Variants in TAFA1 observed in about 807,000 individuals in gnomAD.
The protein encoded by TAFA1 is TAFA chemokine like family member 1, also known as chemokine-like protein TAFA-1.
In TAFA1, 4 loss-of-function variants were observed where a neutral mutation model predicts 18.5. The ratio of observed to expected loss-of-function variants is 0.22; its 90% CI spans 0.11 to 0.49. The LOEUF (loss-of-function observed/expected upper bound fraction) is 0.49. Ranked by LOEUF, TAFA1 falls within the 20% of genes least tolerant of loss-of-function variation. The pLI is 0.98. For synonymous variants in TAFA1, 56 were observed against 55.2 expected (o/e 1.01, Z -0.06); for missense variants, 147 against 169.0 (o/e 0.87, Z 0.72).
chr3:68,263,194 A>G (rs2067470095), intron 2 of TAFA1, among the ~76,000 whole-genome samples: 3 of 152,254 alleles, frequency 2.0e-5, no homozygotes, highest in South Asian at 4.1e-4. Flanking sequence ...TCCCTCACAT[A>G]GGGTTTTGAA....
At chr3:68,416,632 C>T (rs1253189304) in intron 2 of TAFA1, among the ~76,000 whole-genome samples, 2 of 152,110 alleles carry the variant, frequency 1.3e-5, no homozygotes, top group South Asian at 4.1e-4. Flanking sequence ...CATTAGTTTG[C>T]CAATAAATTC....
intron 2 of TAFA1, among the ~76,000 whole-genome samples, chr3:68,326,167 T>G (rs572599863): frequency 8.4e-4 from 128 of 152,342 alleles, no homozygotes; most frequent in African/African-American, 2.9e-3. Context: ...TTTTCTTATT[T>G]TTACTTGACA....
At chr3:68,078,207 T>G (rs1394195538) in intron 2 of TAFA1, among the ~76,000 whole-genome samples, 3 of 152,188 alleles carry the variant, frequency 2.0e-5, no homozygotes, top group African/African-American at 7.2e-5. Context: ...AAGGAGATTT[T>G]GGGCTGAGAC....
chr3:67,993,269 G>T, the TAFA1 span, among the ~76,000 whole-genome samples: 1 of 152,200 alleles, frequency 6.6e-6, no homozygotes, highest in Admixed American at 6.5e-5. Flanking sequence ...CTGATGGATT[G>T]GTTGTGAGAG....
At chr3:68,123,333 G>C (rs916100048) in intron 2 of TAFA1, among the ~76,000 whole-genome samples, 1 of 152,162 alleles carries the variant, frequency 6.6e-6, no homozygotes, top group Non-Finnish European at 1.5e-5. Flanking sequence ...ATTTCTCAAA[G>C]TACCTGGGGA....
At chr3:68,431,309 C>T (rs2071166114) in intron 3 of TAFA1, among the ~76,000 whole-genome samples, 1 of 151,954 alleles carries the variant, frequency 6.6e-6, no homozygotes, top group Non-Finnish European at 1.5e-5. Flanking sequence ...TGTAATAAAA[C>T]CACATTCACA....
chr3:68,526,424 C>T (rs954626078), intron 3 of TAFA1, among the ~76,000 whole-genome samples: 11 of 152,116 alleles, frequency 7.2e-5, no homozygotes, highest in Admixed American at 7.2e-4. Context: ...TTTCCCATTA[C>T]TGCCAAAATT....
At chr3:68,165,538 A>C (rs145249629) in intron 2 of TAFA1, among the ~76,000 whole-genome samples, 3 of 152,202 alleles carry the variant, frequency 2.0e-5, no homozygotes, top group Admixed American at 2.0e-4. Context: ...ATTTTGCTCT[A>C]CTCTGCAGAT....
chr3:68,206,261 C>T (rs2066525014), intron 2 of TAFA1, among the ~76,000 whole-genome samples: 1 of 151,696 alleles, frequency 6.6e-6, no homozygotes, highest in Admixed American at 6.6e-5. Flanking sequence ...TCAATGTAGA[C>T]AATCTGATAC....
intron 2 of TAFA1, among the ~76,000 whole-genome samples, chr3:68,073,009 C>T (rs1236156665): frequency 6.6e-6 from 1 of 152,124 alleles, no homozygotes; most frequent in Non-Finnish European, 1.5e-5. Context: ...TGTACTCTTC[C>T]CCTGGCTCAT....
At chr3:68,028,537 G>A (rs943314244) in intron 2 of TAFA1, among the ~76,000 whole-genome samples, 32 of 152,078 alleles carry the variant, frequency 2.1e-4, no homozygotes, top group African/African-American at 7.0e-4. Context: ...GAGAACAGAA[G>A]TCCCAGACAT....
intron 2 of TAFA1, among the ~76,000 whole-genome samples, chr3:68,072,849 C>G (rs1278173592): frequency 6.6e-6 from 1 of 152,122 alleles, no homozygotes; most frequent in African/African-American, 2.4e-5. Context: ...AACACGTGAT[C>G]TAGTAGAAAC....
At chr3:68,128,238 A>T (rs528745001) in intron 2 of TAFA1, among the ~76,000 whole-genome samples, 107 of 152,222 alleles carry the variant, frequency 7.0e-4, no homozygotes, top group African/African-American at 2.6e-3. Flanking sequence ...TACTAATCTA[A>T]CATCTTGCAT....
chr3:68,499,446 C>CTTT (rs752597708), intron 3 of TAFA1, among the ~76,000 whole-genome samples: 24,887 of 111,396 alleles, frequency 0.22, 2,562 homozygotes, highest in East Asian at 0.44. Context: ...GTGTTCCTTT[C>CTTT]TTTTTTTTTT....
At chr3:68,524,252 C>T (rs576568454) in intron 3 of TAFA1, among the ~76,000 whole-genome samples, 17 of 152,060 alleles carry the variant, frequency 1.1e-4, no homozygotes, top group East Asian at 1.9e-4. Context: ...AGCATGGTCA[C>T]GACAGGTTTC....
chr3:68,494,147 G>A (rs57132550), intron 3 of TAFA1, among the ~76,000 whole-genome samples: 9,567 of 152,170 alleles, frequency 0.063, 564 homozygotes, highest in East Asian at 0.24. Flanking sequence ...TGTCACCCAA[G>A]CTGGCGTGCA....
At chr3:68,541,038 T>G (rs1224431168) in intron 4 of TAFA1, among the ~76,000 whole-genome samples, 2 of 152,156 alleles carry the variant, frequency 1.3e-5, no homozygotes, top group East Asian at 3.9e-4. Context: ...ATAAACAAAC[T>G]GCCATTGCAG....
At chr3:68,541,254 C>T (rs1426335095) in intron 4 of TAFA1, among the ~76,000 whole-genome samples, 2 of 152,132 alleles carry the variant, frequency 1.3e-5, no homozygotes, top group Non-Finnish European at 2.9e-5. Context: ...TGACATACGT[C>T]CTCCCTCCTC....
intron 2 of TAFA1, among the ~76,000 whole-genome samples, chr3:68,243,021 G>C (rs1035587220): frequency 1.8e-4 from 27 of 151,964 alleles, no homozygotes; most frequent in African/African-American, 6.3e-4. Context: ...TGGGGGTGGT[G>C]ATTGGCACTG....
Sources: gnomAD v4.1 joint callset for allele counts (sites outside exome capture counted in the v4.1 genomes callset) on GRCh38, gnomAD v4.1.1 for gene constraint, MANE v1.5 for transcripts, NCBI Gene and HGNC (gene_info 2026-07-23, HGNC 2026-07-21) for gene names.